The following PCDH15 variants were observed in gnomAD, a reference collection of about 807,000 sequenced individuals.
PCDH15 encodes protocadherin related 15.
In PCDH15, 129 loss-of-function variants were observed where a neutral mutation model predicts 178.5. The observed-to-expected ratio is 0.72, with a 90% CI of 0.63 to 0.84. The LOEUF (loss-of-function observed/expected upper bound fraction) is 0.84, where lower values mean the gene tolerates loss of function less well. Among genes scored for constraint, PCDH15 ranks in the 40% least tolerant of loss-of-function variants. The probability of loss-of-function intolerance (pLI) is 0.00; values close to 1 mark genes in which losing one functional copy is unlikely to be tolerated. For missense variants in PCDH15, 2,230 were observed against 2,099.9 expected (o/e 1.06, Z -1.21); for synonymous variants, 800 against 732.0 (o/e 1.09, Z -1.50).
intron 1 of PCDH15, among the ~76,000 whole-genome samples, chr10:54,792,142 G>C (rs1244657686): frequency 6.6e-6 from 1 of 151,796 alleles, no homozygotes; most frequent in Non-Finnish European, 1.5e-5. Flanking sequence ...TATAGATGCA[G>C]GTCCAAAAAG....
intron 2 of PCDH15, among the ~76,000 whole-genome samples, chr10:54,982,286 T>G (rs1018521552): frequency 6.6e-6 from 1 of 152,168 alleles, no homozygotes; most frequent in Admixed American, 6.6e-5. Flanking sequence ...ATGGTTAGGG[T>G]ACTTGAAAAA....
intron 2 of PCDH15, among the ~76,000 whole-genome samples, chr10:54,533,829 C>T (rs2132787963): frequency 6.6e-6 from 1 of 152,198 alleles, no homozygotes; most frequent in South Asian, 2.1e-4. Context: ...TAGCTTTAAC[C>T]ATTTCAAATC....
intron 2 of PCDH15, among the ~76,000 whole-genome samples, chr10:55,607,431 A>G (rs1388519241): frequency 7.9e-6 from 1 of 126,628 alleles, no homozygotes; most frequent in East Asian, 2.2e-4. Flanking sequence ...TCATGCTGCT[A>G]TAAAGACACA....
At chr10:54,990,196 T>C (rs1460508740) in intron 2 of PCDH15, among the ~76,000 whole-genome samples, 2 of 152,240 alleles carry the variant, frequency 1.3e-5, no homozygotes, top group East Asian at 1.9e-4. Flanking sequence ...AGATCTGTTA[T>C]GAAAATTGGC....
At chr10:54,775,778 GGA>G (rs1465048628) in intron 1 of PCDH15, among the ~76,000 whole-genome samples, 1 of 152,098 alleles carries the variant, frequency 6.6e-6, no homozygotes, top group East Asian at 1.9e-4. Context: ...CCAGCTACTC[GGA>G]GAGGCTGAGG....
intron 25 of PCDH15, among the ~76,000 whole-genome samples, chr10:53,937,772 G>T (rs147011821): frequency 6.6e-6 from 1 of 152,228 alleles, no homozygotes; most frequent in African/African-American, 2.4e-5. Flanking sequence ...TGTTGCTCCT[G>T]TCTTGCTTTC....
chr10:55,121,671 T>G (rs1037989933), intron 2 of PCDH15, among the ~76,000 whole-genome samples: 2 of 151,992 alleles, frequency 1.3e-5, no homozygotes, highest in African/African-American at 4.8e-5. Flanking sequence ...CACTCATGAG[T>G]GGGATTATTG....
In PCDH15 at chr10:54,721,174, G is replaced by C. The variant is rs79930674; in HGVS notation, c.-28-56884C>G. ...CAAAATTAAGGCAGAAATCAGGAAAGTTTTTGAAGCAATTGAAAATACAGA... is the reference window on the plus strand; with the variant it reads ...CAAAATTAAGGCAGAAATCAGGAAACTTTTTGAAGCAATTGAAAATACAGA... On this transcript the variant is annotated intron_variant, in intron 1 of 37. Transcript: ENST00000644397. Among the ~76,000 whole-genome samples the C allele has an allele frequency of 1.3e-3, 203 of 152,074 alleles. 4 individuals are homozygous for C. In the East Asian group the frequency reaches 0.037, roughly 28 times the overall value.
At chr10:53,959,179 GTA>G (rs562660762) in intron 23 of PCDH15, among the ~76,000 whole-genome samples, 7 of 147,158 alleles carry the variant, frequency 4.8e-5, no homozygotes, top group Admixed American at 2.7e-4. Flanking sequence ...TATATAGTGT[GTA>G]TATATATATA....
chr10:54,573,460 T>A (rs1170044323), intron 2 of PCDH15, among the ~76,000 whole-genome samples: 2 of 152,176 alleles, frequency 1.3e-5, no homozygotes, highest in Non-Finnish European at 2.9e-5. Flanking sequence ...GAAACCAGCA[T>A]TGATATTTTC....
intron 13 of PCDH15, among the ~76,000 whole-genome samples, chr10:54,168,214 T>A (rs1384675234): frequency 6.6e-6 from 1 of 152,158 alleles, no homozygotes; most frequent in Non-Finnish European, 1.5e-5. Flanking sequence ...AAGATCTAAA[T>A]AATTCTTGTC....
At chr10:53,968,023 A>G (rs985416376) in intron 21 of PCDH15, among the ~76,000 whole-genome samples, 38 of 152,114 alleles carry the variant, frequency 2.5e-4, no homozygotes, top group African/African-American at 8.7e-4. Context: ...CTTGTTGGAC[A>G]GTGGGTGCAG....
chr10:54,795,578 ATT>A (rs1951872464), intron 1 of PCDH15, among the ~76,000 whole-genome samples: 1 of 151,940 alleles, frequency 6.6e-6, no homozygotes, highest in Admixed American at 6.6e-5. Context: ...TCAAATATTT[ATT>A]GAGTACTTAC....
At chr10:53,921,377 A>G (rs2083983307) in intron 25 of PCDH15, among the ~76,000 whole-genome samples, 1 of 123,038 alleles carries the variant, frequency 8.1e-6, no homozygotes, top group Admixed American at 9.8e-5. Flanking sequence ...ACCACATTTC[A>G]GCCCTAATAT....
At chr10:54,454,816 T>C (rs1194585873) in intron 3 of PCDH15, among the ~76,000 whole-genome samples, 2 of 152,190 alleles carry the variant, frequency 1.3e-5, no homozygotes, top group Non-Finnish European at 2.9e-5. Context: ...TTACATCTGA[T>C]TAGCTTTCAC....
chr10:54,474,169 C>T (rs2078110906), intron 3 of PCDH15, among the ~76,000 whole-genome samples: 1 of 151,816 alleles, frequency 6.6e-6, no homozygotes, highest in African/African-American at 2.4e-5. Flanking sequence ...CAAAAGATGT[C>T]TGCTGAATCC....
intron 2 of PCDH15, among the ~76,000 whole-genome samples, chr10:55,568,592 C>T (rs572085977): frequency 2.0e-5 from 3 of 151,932 alleles, no homozygotes; most frequent in African/African-American, 7.2e-5. Flanking sequence ...AAAACCCTGG[C>T]TTAAAAGAAC....
chr10:54,871,452 A>C (rs1451437587), intron 3 of PCDH15, among the ~76,000 whole-genome samples: 2 of 151,246 alleles, frequency 1.3e-5, no homozygotes, highest in Non-Finnish European at 2.9e-5. Flanking sequence ...ACTGTAACTC[A>C]CGTTACCAGC....
intron 2 of PCDH15, among the ~76,000 whole-genome samples, chr10:55,151,207 A>C (rs903465647): frequency 1.1e-4 from 17 of 152,106 alleles, no homozygotes; most frequent in Non-Finnish European, 2.2e-4. Flanking sequence ...TCATTTCTCT[A>C]ATCCAGAAAA....
Sources: gnomAD v4.1 joint callset for allele counts (sites outside exome capture counted in the v4.1 genomes callset) on GRCh38, gnomAD v4.1.1 for gene constraint, MANE v1.5 for transcripts, NCBI Gene and HGNC (gene_info 2026-07-23, HGNC 2026-07-21) for gene names.